L3MBTL4: variants seen among roughly 807,000 people sequenced by gnomAD.
L3MBTL4 encodes the protein lethal(3)malignant brain tumor-like protein 4.
A neutral mutation model predicts 84.5 loss-of-function variants in L3MBTL4; 70 were observed. The ratio of observed to expected loss-of-function variants is 0.83; its 90% CI spans 0.68 to 1.01. L3MBTL4 has a LOEUF of 1.01. Among genes scored for constraint, L3MBTL4 ranks in the 50% least tolerant of loss-of-function variants. The pLI is 0.00. For synonymous variants in L3MBTL4, 274 were observed against 259.8 expected (o/e 1.05, Z -0.52); for missense variants, 715 against 754.8 (o/e 0.95, Z 0.62).
intron 5 of L3MBTL4, chr18:6,260,456 T>A (rs1043290001): frequency 6.6e-6 from 1 of 152,210 alleles, no homozygotes; most frequent in Admixed American, 6.5e-5. Context: ...ATCTTTGATT[T>A]CTTTTAGCCG....
At chr18:6,034,516 A>G (rs1334771308) in intron 16 of L3MBTL4, among the ~76,000 whole-genome samples, 1 of 152,156 alleles carries the variant, frequency 6.6e-6, no homozygotes, top group African/African-American at 2.4e-5. Context: ...CATGGTGTAT[A>G]TGTGCCACAT....
chr18:6,070,392 A>T (rs1470113892), intron 16 of L3MBTL4, among the ~76,000 whole-genome samples: 1 of 152,098 alleles, frequency 6.6e-6, no homozygotes, highest in African/African-American at 2.4e-5. Flanking sequence ...AAGCCAACGG[A>T]TTACCATATT....
At chr18:6,357,069 C>T (rs1291808292) in intron 1 of L3MBTL4, among the ~76,000 whole-genome samples, 1 of 152,090 alleles carries the variant, frequency 6.6e-6, no homozygotes, top group African/African-American at 2.4e-5. Flanking sequence ...CTGATGAAAA[C>T]GTCATTGTGC....
intron 16 of L3MBTL4, among the ~76,000 whole-genome samples, chr18:6,038,335 G>T (rs1460629994): frequency 1.4e-5 from 2 of 144,646 alleles, no homozygotes; most frequent in Non-Finnish European, 3.0e-5. Flanking sequence ...CTCACTGCAA[G>T]CTCCGCCTCT....
At chr18:6,009,624 C>T (rs529710457) in intron 16 of L3MBTL4, among the ~76,000 whole-genome samples, 2 of 152,256 alleles carry the variant, frequency 1.3e-5, no homozygotes, top group South Asian at 4.2e-4. Context: ...GCACACCCTC[C>T]CGTATACCTG....
intron 15 of L3MBTL4, among the ~76,000 whole-genome samples, chr18:6,083,078 A>C (rs1401478181): frequency 6.6e-6 from 1 of 152,238 alleles, no homozygotes; most frequent in Non-Finnish European, 1.5e-5. Flanking sequence ...AGCCAAAATC[A>C]GGTCTTAATG....
chr18:6,370,151 A>AG (rs1555746872), intron 1 of L3MBTL4, among the ~76,000 whole-genome samples: 2,282 of 150,818 alleles, frequency 0.015, 86 homozygotes, highest in African/African-American at 0.053. Context: ...AAAAAAAAAA[A>AG]AAAGAAAGCA....
chr18:6,334,368 G>A (rs796900055), intron 1 of L3MBTL4, among the ~76,000 whole-genome samples: 12 of 152,194 alleles, frequency 7.9e-5, no homozygotes, highest in African/African-American at 2.9e-4. Context: ...GGCACAAAGG[G>A]TGATACTCTA....
At chr18:6,036,022 T>C (rs2056120435) in intron 16 of L3MBTL4, among the ~76,000 whole-genome samples, 1 of 152,224 alleles carries the variant, frequency 6.6e-6, no homozygotes, top group African/African-American at 2.4e-5. Flanking sequence ...GTACTGAATA[T>C]TGGCCCATTA....
intron 1 of L3MBTL4, among the ~76,000 whole-genome samples, chr18:6,321,665 T>C (rs1471841989): frequency 6.6e-6 from 1 of 152,162 alleles, no homozygotes; most frequent in Non-Finnish European, 1.5e-5. Context: ...CATCGTTCAG[T>C]GGGTGAATAA....
chr18:6,023,831 T>C (rs1267793777), intron 16 of L3MBTL4, among the ~76,000 whole-genome samples: 12 of 152,148 alleles, frequency 7.9e-5, no homozygotes, highest in Non-Finnish European at 1.5e-4. Flanking sequence ...CTTAGGTAAT[T>C]TGCCCAAGTT....
chr18:6,240,394 G>A (rs868845683), intron 8 of L3MBTL4, among the ~76,000 whole-genome samples: 1 of 149,576 alleles, frequency 6.7e-6, no homozygotes, highest in Admixed American at 6.7e-5. Flanking sequence ...TTTAAAATGT[G>A]TATTTATATA....
At position 6,238,009 on chromosome 18, in the gene L3MBTL4, C is replaced by T. The variant is rs570977250; in HGVS notation, c.739G>A (p.Val247Ile). Residue 247 changes from valine to isoleucine, a missense_variant, in exon 10 of 19, where the codon GTT (valine) becomes ATT (isoleucine). Transcript: ENST00000317931. Reference sequence around the variant, plus strand: ...CTTCCATTCTCCTGACACCAACCAACTGGCTGGACATAAGGGCTATTAACA... The same window carrying T: ...CTTCCATTCTCCTGACACCAACCAATTGGCTGGACATAAGGGCTATTAACA... The part of the protein sequence containing the change: ...CDVNSPYVQP[V>I]GWCQENGRTL... 2.5e-6 allele frequency: 4 copies of T among 1,614,172 alleles called. No homozygotes were observed. The South Asian group carries it at 3.3e-5, about 13-fold the overall frequency.
chr18:6,290,959 C>T (rs117338487), intron 4 of L3MBTL4, among the ~76,000 whole-genome samples: 2,054 of 152,206 alleles, frequency 0.013, 23 homozygotes, highest in Admixed American at 0.022. Context: ...TAAACTTAAA[C>T]TAAATAAATT....
chr18:6,098,636 G>A (rs953341830), intron 14 of L3MBTL4, among the ~76,000 whole-genome samples: 1 of 152,114 alleles, frequency 6.6e-6, no homozygotes, highest in African/African-American at 2.4e-5. Context: ...GCTCAGATGT[G>A]GAAACGTGGC....
At chr18:6,025,511 A>C (rs2055459599) in intron 16 of L3MBTL4, among the ~76,000 whole-genome samples, 1 of 152,196 alleles carries the variant, frequency 6.6e-6, no homozygotes, top group Non-Finnish European at 1.5e-5. Flanking sequence ...TCCATTTCTA[A>C]AAACATTCAC....
intron 12 of L3MBTL4, among the ~76,000 whole-genome samples, chr18:6,173,979 A>G (rs2044102808): frequency 6.6e-6 from 1 of 152,044 alleles, no homozygotes; most frequent in African/African-American, 2.4e-5. Flanking sequence ...CTCAATTAAC[A>G]CTTTGACAAT....
At chr18:6,364,059 C>T (rs1016298992) in intron 1 of L3MBTL4, among the ~76,000 whole-genome samples, 1 of 152,126 alleles carries the variant, frequency 6.6e-6, no homozygotes, top group Non-Finnish European at 1.5e-5. Context: ...GACATCCTCT[C>T]TTTTTGGTCC....
At chr18:6,019,338 G>T (rs1211450402) in intron 16 of L3MBTL4, among the ~76,000 whole-genome samples, 2 of 152,172 alleles carry the variant, frequency 1.3e-5, no homozygotes, top group Non-Finnish European at 2.9e-5. Flanking sequence ...TTTGTGTAAG[G>T]ACTGTCCCCT....
Sources: allele counts gnomAD v4.1 joint callset (sites outside exome capture counted in the v4.1 genomes callset), GRCh38; gene constraint gnomAD v4.1.1; transcripts MANE v1.5; gene names NCBI Gene and HGNC (gene_info 2026-07-23, HGNC 2026-07-21).